Variants in DISP1 observed in about 807,000 individuals in gnomAD.
DISP1 encodes the protein dispatched RND transporter family member 1.
A neutral mutation model predicts 37.3 loss-of-function variants in DISP1; 30 were observed. The observed-to-expected ratio is 0.80, with a 90% CI of 0.60 to 1.09. The LOEUF (loss-of-function observed/expected upper bound fraction) is 1.09. DISP1 is among the 50% of genes least tolerant of loss of function. The pLI is 0.00. For synonymous variants in DISP1, 634 were observed against 690.2 expected (o/e 0.92, Z 1.28); for missense variants, 1,598 against 1,879.5 (o/e 0.85, Z 2.77).
intron 5 of DISP1, among the ~76,000 whole-genome samples, chr1:222,991,179 T>C (rs998279562): frequency 1.3e-5 from 2 of 152,244 alleles, no homozygotes; most frequent in Admixed American, 6.5e-5. Flanking sequence ...TGAAACACTC[T>C]TTGTAAAAAT....
At position 222,946,482 on chromosome 1, in the gene DISP1, C is replaced by T. The variant is rs144846922; in HGVS notation, c.509+3150C>T. Among the ~76,000 whole-genome samples, 444 of 151,770 alleles carry T rather than the reference C, an allele frequency of 2.9e-3. 2 individuals carry two copies. The highest frequency in any genetic ancestry group is 0.01 in the African/African-American group (421 of 41,400). Reference sequence around the variant, plus strand: ...TGCCTGCAGAGGAATGGTATGTGTCCATTTGTGTATGTTACATACTTTATT... The same window carrying T: ...TGCCTGCAGAGGAATGGTATGTGTCTATTTGTGTATGTTACATACTTTATT... On this transcript the variant is annotated intron_variant, in intron 3 of 8. Transcript: ENST00000675850.
At position 223,003,872 on chromosome 1, in the gene DISP1, C is replaced by G; in HGVS notation, c.2475C>G (p.Ala825=). ...SFNIASPASQ[A]WILHFCQKLR... ...ACATCGCCAGCCCAGCTTCCCAGGC[C>G]TGGATTTTGCACTTCTGTCAAAAAC... The change falls in exon 9 of 9, where the codon GCC becomes GCG. Residue 825 remains alanine, a synonymous_variant. Transcript: ENST00000675850. This position sits in a 1 kb window ranked among gnomAD's most constrained non-coding sequence, Gnocchi z 4.3. The G allele has an allele frequency of 6.2e-7, 1 of 1,614,176 alleles. No individual in the cohort carries two copies. Among genetic ancestry groups the G allele is most frequent in the Non-Finnish European group, 8.5e-7 (1 of 1,180,038 alleles).
intron 1 of DISP1, among the ~76,000 whole-genome samples, chr1:222,903,843 G>C (rs1382801472): frequency 6.6e-6 from 1 of 152,218 alleles, no homozygotes; most frequent in African/African-American, 2.4e-5. Flanking sequence ...TTTACTCAGA[G>C]GTTAGGGAAG....
chr1:222,908,283 T>G (rs565727985), intron 1 of DISP1, among the ~76,000 whole-genome samples: 4 of 152,276 alleles, frequency 2.6e-5, no homozygotes, highest in Admixed American at 1.3e-4. Context: ...ACACAGGAGT[T>G]TGAAGTTGCA....
At chr1:222,835,535 C>G (rs1483757427) in intron 1 of DISP1, among the ~76,000 whole-genome samples, 1 of 151,954 alleles carries the variant, frequency 6.6e-6, no homozygotes, top group African/African-American at 2.4e-5. Flanking sequence ...TGCAAAATAC[C>G]AGGTGCATTT....
intron 1 of DISP1, among the ~76,000 whole-genome samples, chr1:222,847,942 TAAA>T (rs1668010408): frequency 6.6e-6 from 1 of 152,160 alleles, no homozygotes; most frequent in African/African-American, 2.4e-5. Context: ...GTTATGAAAA[TAAA>T]CTTCATAGTA....
At chr1:222,941,153 C>T (rs985665850) in intron 2 of DISP1, among the ~76,000 whole-genome samples, 1 of 152,186 alleles carries the variant, frequency 6.6e-6, no homozygotes, top group African/African-American at 2.4e-5. Context: ...TCCTGGATCA[C>T]ATTAGTGCTC....
Position 222,984,435 on chromosome 1 carries a change from TAG to T in DISP1, c.539+1349_539+1350del, listed in dbSNP as rs369654102. Among the ~76,000 whole-genome samples the T allele has an allele frequency of 5.7e-3, 617 of 108,362 alleles. 31 individuals carry two copies. Among genetic ancestry groups the T allele is most frequent in the African/African-American group, 0.021 (562 of 26,404 alleles). The allele number at this position is 108,362 out of a possible 152,430, so 71.1% of individuals were successfully genotyped here. A position where few individuals can be genotyped will look rare whatever the true frequency, so the allele number is the denominator to read the frequency against. On this transcript the variant is annotated intron_variant, in intron 4 of 8. Coordinates refer to ENST00000675850, the MANE Select transcript of DISP1 (RefSeq NM_001377229.1). Reference sequence around the variant, plus strand: ...AAAAAAAAAAAAATATATATATATATAGAGAGAGAGAGAGAGAGAGAGAGCGT... The same window carrying T: ...AAAAAAAAAAAAATATATATATATATAGAGAGAGAGAGAGAGAGAGAGCGT...
chr1:222,838,313 C>T (rs1667373231), intron 1 of DISP1, among the ~76,000 whole-genome samples: 1 of 151,962 alleles, frequency 6.6e-6, no homozygotes, highest in Non-Finnish European at 1.5e-5. Context: ...TGTATTATAT[C>T]CCTGATAATT....
intron 2 of DISP1, among the ~76,000 whole-genome samples, chr1:222,940,466 C>T (rs991747347): frequency 1.8e-4 from 27 of 152,136 alleles, no homozygotes; most frequent in African/African-American, 6.5e-4. Flanking sequence ...GATTACAGTT[C>T]GACATGAGAT....
intron 3 of DISP1, 171 bp downstream of exon 3, chr1:222,943,503 C>G: frequency 1.2e-6 from 1 of 826,138 alleles, no homozygotes. Flanking sequence ...TAAAATAATA[C>G]TGTATATCGA....
intron 1 of DISP1, among the ~76,000 whole-genome samples, chr1:222,826,567 C>G (rs1237354126): frequency 6.6e-6 from 1 of 151,256 alleles, no homozygotes; most frequent in Non-Finnish European, 1.5e-5. Context: ...TTTTTAACTT[C>G]TTACAGAGAT....
At chr1:222,821,747 C>T (rs565512667) in intron 1 of DISP1, among the ~76,000 whole-genome samples, 68 of 152,074 alleles carry the variant, frequency 4.5e-4, no homozygotes, top group African/African-American at 1.3e-3. Flanking sequence ...GGTGTGGTGG[C>T]GGGCACCTGT....
At chr1:222,840,354 G>A (rs1667517026) in intron 1 of DISP1, among the ~76,000 whole-genome samples, 2 of 151,950 alleles carry the variant, frequency 1.3e-5, no homozygotes, top group Non-Finnish European at 2.9e-5. Context: ...CAATTCTTGT[G>A]CCTTAGCCTC....
chr1:222,939,649 T>C (rs1269573527), intron 2 of DISP1, among the ~76,000 whole-genome samples: 1 of 151,028 alleles, frequency 6.6e-6, no homozygotes, highest in Non-Finnish European at 1.5e-5. Flanking sequence ...GCCAACATGG[T>C]GAAACCCTGT....
chr1:222,846,229 T>C lies in DISP1; in HGVS notation c.-159+31151T>C, dbSNP rs532835730. 6.6e-4 allele frequency among the ~76,000 whole-genome samples: 101 copies of C among 152,300 alleles called. 2 individuals carry two copies. The highest frequency in any genetic ancestry group is 6.1e-3 in the Admixed American group (94 of 15,292). On this transcript the variant is annotated intron_variant, in intron 1 of 8. Transcript: ENST00000675850. ...TGAAAAGGCCAGATGTGGTGGATCA[T>C]GCCTGTAATCCCAGCACTTTGGGAG... is the stretch of plus-strand genomic sequence containing the variant.
chr1:222,921,715 G>A (rs766004737), intron 1 of DISP1, among the ~76,000 whole-genome samples: 2 of 152,094 alleles, frequency 1.3e-5, no homozygotes, highest in Non-Finnish European at 2.9e-5. Context: ...AAGGATATAT[G>A]TAATAACAAG....
chr1:222,978,365 G>A (rs969067990), intron 3 of DISP1, among the ~76,000 whole-genome samples: 49 of 152,160 alleles, frequency 3.2e-4, no homozygotes, highest in African/African-American at 1.2e-3. Context: ...TTTTTGATGG[G>A]GTTGTTTGTT....
intron 4 of DISP1, among the ~76,000 whole-genome samples, chr1:222,984,860 A>ATTAC (rs2102711829): frequency 6.6e-6 from 1 of 152,290 alleles, no homozygotes; most frequent in African/African-American, 2.4e-5. Flanking sequence ...GACTGCTGTA[A>ATTAC]GTACCTCGTA....
Sources: gnomAD v4.1 joint callset for allele counts (sites outside exome capture counted in the v4.1 genomes callset) on GRCh38, gnomAD v4.1.1 for gene constraint, Gnocchi (gnomAD v3.1) non-coding constraint, MANE v1.5 for transcripts, NCBI Gene and HGNC (gene_info 2026-07-23, HGNC 2026-07-21) for gene names.